Variants in MEOX1 observed in about 807,000 individuals in gnomAD.
MEOX1 encodes homeobox protein MOX-1.
MEOX1 carries 17 observed loss-of-function variants against 23.2 expected under a neutral mutation model. The ratio of observed to expected loss-of-function variants is 0.73; its 90% CI spans 0.50 to 1.10. The LOEUF is 1.10. MEOX1 is among the 50% of genes least tolerant of loss of function. The pLI is 0.00. For synonymous variants in MEOX1, 134 were observed against 135.1 expected (o/e 0.99, Z 0.06); for missense variants, 333 against 332.2 (o/e 1.00, Z -0.02).
chr17:43,661,034 A>G, intron 1 of MEOX1, 32 bp downstream of exon 1: 4 of 1,399,832 alleles, frequency 2.9e-6, no homozygotes, highest in Non-Finnish European at 3.8e-6. Flanking sequence ...TCACACAGTA[A>G]AGGAATGATC....
In MEOX1 at chr17:43,641,998, C is replaced by T; in HGVS notation, c.677G>A (p.Trp226Ter). 1 of 1,614,088 alleles carries T rather than the reference C, an allele frequency of 6.2e-7. No homozygotes were observed. Among genetic ancestry groups the T allele is most frequent in the Non-Finnish European group, 8.5e-7 (1 of 1,179,978 alleles). ...GGGCTGACCTCCCTTCACACGCTTC[C>T]ACTTCATCCTTCGGTTCTGGAACCA... is the stretch of plus-strand genomic sequence containing the variant. ...KVWFQNRRMK[W>*]KRVKGGQPIS... Residue 226 changes from tryptophan (W) to a stop codon, truncating the protein, a stop_gained, in exon 3 of 3, where the codon TGG becomes TAG. Transcript: ENST00000318579. LOFTEE classifies it high-confidence loss of function.
At chr17:43,643,467 A>AG (rs963703606) in intron 2 of MEOX1, 21 bp downstream of exon 2, 1 of 1,548,326 alleles carries the variant, frequency 6.5e-7, no homozygotes, top group African/African-American at 1.4e-5. Context: ...AAAGAAGAGG[A>AG]GGGGCCCACC....
chr17:43,651,320 GA>G (rs979002374), intron 1 of MEOX1, among the ~76,000 whole-genome samples: 3 of 151,950 alleles, frequency 2.0e-5, no homozygotes, highest in East Asian at 3.9e-4. Context: ...CTCCGTCTCA[GA>G]AAAAAAAGTC....
intron 1 of MEOX1, among the ~76,000 whole-genome samples, chr17:43,657,055 T>TTTCTTTCTTTCTTTCTTTCC (rs777740594): frequency 3.4e-4 from 46 of 136,450 alleles, no homozygotes; most frequent in Middle Eastern, 3.5e-3. Flanking sequence ...TCTTTCTTTC[T>TTTCTTTCTTTCTTTCTTTCC]TTCCTTCCTT....
At chr17:43,655,873 G>A (rs768715915) in intron 1 of MEOX1, among the ~76,000 whole-genome samples, 22 of 152,206 alleles carry the variant, frequency 1.4e-4, no homozygotes, top group Admixed American at 6.5e-4. Context: ...AAAAAAGGTC[G>A]TTGTTTAATG....
At chr17:43,652,825 C>CTTTTTTT (rs397856379) in intron 1 of MEOX1, among the ~76,000 whole-genome samples, 56 of 71,114 alleles carry the variant, frequency 7.9e-4, no homozygotes, top group South Asian at 2.1e-3. Context: ...TCTACTATTG[C>CTTTTTTT]TTTTTTTTTT....
At chr17:43,653,380 TC>T (rs954489387) in intron 1 of MEOX1, among the ~76,000 whole-genome samples, 1 of 151,820 alleles carries the variant, frequency 6.6e-6, no homozygotes, top group African/African-American at 2.4e-5. Flanking sequence ...CCTCAAGTGA[TC>T]CACCCACCTT....
At chr17:43,653,572 G>A (rs1032464096) in intron 1 of MEOX1, among the ~76,000 whole-genome samples, 2 of 142,826 alleles carry the variant, frequency 1.4e-5, no homozygotes, top group Admixed American at 1.4e-4. Flanking sequence ...GTGCAATGGT[G>A]TGATCCAGCT....
chr17:43,643,631 C>T lies in MEOX1; in HGVS notation c.499G>A (p.Gly167Ser), dbSNP rs772437455. ...DNQENRGKPE[G>S]SSKARKERTA... ...CTCTCCTTGCGGGCTTTGCTGCTGC[C>T]CTCCGGCTTCCCTCTGTTCTCCTGG... Residue 167 changes from glycine (G) to serine (S), a missense_variant, in exon 2 of 3, where the codon GGC becomes AGC. Transcript: ENST00000318579. The T allele has an allele frequency of 3.7e-6, 6 of 1,613,330 alleles. No homozygotes were observed. The highest frequency in any genetic ancestry group is 4.2e-6 in the Non-Finnish European group (5 of 1,179,878).
rs1567742598 is a variant in MEOX1 at position 43,645,169 on chromosome 17, A to ATATTTTTTTTTT, written c.470-1510_470-1509insAAAAAAAAAATA. ...TTAAAAGACGTTTGCTTCATTAATT[A>ATATTTTTTTTTT]TCTTTTTTTTTTTTTTTTTTTTTTT... On this transcript the variant is annotated intron_variant, in intron 1 of 2. Transcript: ENST00000318579. 1.5e-5 allele frequency among the ~76,000 whole-genome samples: 2 copies of ATATTTTTTTTTT among 129,714 alleles called. 1 individual carries two copies. The highest frequency in any genetic ancestry group is 6.7e-5 in the African/African-American group (2 of 29,816). The allele number at this position is 129,714 out of a possible 152,430, so 85.1% of individuals were successfully genotyped here.
intron 1 of MEOX1, among the ~76,000 whole-genome samples, chr17:43,658,861 G>C (rs1258645504): frequency 6.6e-6 from 1 of 152,218 alleles, no homozygotes; most frequent in Non-Finnish European, 1.5e-5. Flanking sequence ...ACAGGGGGAT[G>C]AGTGAGAGTC....
intron 1 of MEOX1, among the ~76,000 whole-genome samples, chr17:43,657,047 TTTCTTTCTTTCC>T (rs1246276983): frequency 2.8e-4 from 39 of 140,108 alleles, no homozygotes; most frequent in African/African-American, 9.7e-4. Context: ...TCTTTCTTTC[TTTCTTTCTTTCC>T]TTCCTTCCTT....
At chr17:43,647,296 A>G (rs1425412821) in intron 1 of MEOX1, among the ~76,000 whole-genome samples, 1 of 152,142 alleles carries the variant, frequency 6.6e-6, no homozygotes, top group Non-Finnish European at 1.5e-5. Flanking sequence ...ACTGACCCCT[A>G]CCGCGCCCCC....
chr17:43,659,046 GTC>G (rs1457184046), intron 1 of MEOX1, among the ~76,000 whole-genome samples: 3 of 152,210 alleles, frequency 2.0e-5, no homozygotes, highest in African/African-American at 2.4e-5. Context: ...AGTGTGAATG[GTC>G]TCTCTGCATT....
intron 1 of MEOX1, among the ~76,000 whole-genome samples, chr17:43,651,973 TGAGCAG>T (rs1972925682): frequency 6.6e-6 from 1 of 151,596 alleles, no homozygotes. Flanking sequence ...ATCAGGGGCC[TGAGCAG>T]GCCCAGGCGT....
At chr17:43,656,973 GT>G (rs1359567433) in intron 1 of MEOX1, among the ~76,000 whole-genome samples, 4 of 147,060 alleles carry the variant, frequency 2.7e-5, no homozygotes, top group African/African-American at 7.6e-5. Flanking sequence ...CTTTCTCCCC[GT>G]TTGTTCATTT....
At chr17:43,652,898 C>T (rs1216062818) in intron 1 of MEOX1, among the ~76,000 whole-genome samples, 1 of 125,096 alleles carries the variant, frequency 8.0e-6, no homozygotes, top group Non-Finnish European at 1.6e-5. Context: ...GTGGTGTGAT[C>T]TCGGCTCACT....
chr17:43,656,383 G>A (rs1432077301), intron 1 of MEOX1, among the ~76,000 whole-genome samples: 3 of 152,026 alleles, frequency 2.0e-5, no homozygotes, highest in South Asian at 4.1e-4. Context: ...GTGTGGCTTC[G>A]TGGCAGGGGT....
At chr17:43,656,768 T>C (rs1811196) in intron 1 of MEOX1, among the ~76,000 whole-genome samples, 104,142 of 151,852 alleles carry the variant, frequency 0.69, 35,877 homozygotes, top group Admixed American at 0.75. Flanking sequence ...CGCAAAATCC[T>C]TCATTCCCAT....
Sources: gnomAD v4.1 joint callset for allele counts (sites outside exome capture counted in the v4.1 genomes callset) on GRCh38, gnomAD v4.1.1 for gene constraint, MANE v1.5 for transcripts, NCBI Gene and HGNC (gene_info 2026-07-23, HGNC 2026-07-21) for gene names.